Variants in TNFAIP8 observed in about 807,000 individuals in gnomAD.
TNFAIP8 encodes TNF alpha induced protein 8.
In TNFAIP8, 7 loss-of-function variants were observed where a neutral mutation model predicts 13.3. The ratio of observed to expected loss-of-function variants is 0.52; its 90% CI spans 0.30 to 0.99. The LOEUF (loss-of-function observed/expected upper bound fraction) is 0.99, where lower values mean the gene tolerates loss of function less well. Ranked by LOEUF, TNFAIP8 falls within the 50% of genes least tolerant of loss-of-function variation. The probability of loss-of-function intolerance (pLI) is 0.07; values close to 1 mark genes in which losing one functional copy is unlikely to be tolerated. For synonymous variants in TNFAIP8, 94 were observed against 87.6 expected (o/e 1.07, Z -0.41); for missense variants, 258 against 236.9 (o/e 1.09, Z -0.58).
upstream of TNFAIP8, chr5:119,355,414 C>T (rs750581254): frequency 2.7e-5 from 19 of 700,676 alleles, 1 homozygote; most frequent in South Asian, 2.8e-4. Context: ...GGCCGCTCCA[C>T]TTTCTTCAAA....
intron 1 of TNFAIP8, among the ~76,000 whole-genome samples, chr5:119,359,748 C>T (rs761111135): frequency 3.2e-4 from 48 of 152,160 alleles, no homozygotes; most frequent in Non-Finnish European, 1.0e-4. Flanking sequence ...CCTGCCCTTC[C>T]CCAGCCTTTG....
chr5:119,339,832 A>G (rs1398939856), intron 1 of TNFAIP8, among the ~76,000 whole-genome samples: 2 of 152,240 alleles, frequency 1.3e-5, no homozygotes, highest in Non-Finnish European at 2.9e-5. Context: ...TCTGCAAAGA[A>G]TGGCCTTACA....
chr5:119,306,354 T>A (rs1236893965), intron 1 of TNFAIP8: 2 of 149,514 alleles, frequency 1.3e-5, no homozygotes, highest in African/African-American at 5.0e-5. Flanking sequence ...AGATGGGGTG[T>A]CTCTATGTTT....
At chr5:119,316,523 G>C (rs1167037281) in intron 1 of TNFAIP8, among the ~76,000 whole-genome samples, 2 of 152,132 alleles carry the variant, frequency 1.3e-5, no homozygotes, top group East Asian at 1.9e-4. Flanking sequence ...GAAGACCCTA[G>C]TGTGGAGAGA....
intron 1 of TNFAIP8, among the ~76,000 whole-genome samples, chr5:119,329,874 T>G (rs1350034974): frequency 6.6e-6 from 1 of 151,826 alleles, no homozygotes; most frequent in Non-Finnish European, 1.5e-5. Context: ...CAAGGCCTCC[T>G]TTATGTGAGA....
chr5:119,279,467 T>C (rs538326586), intron 1 of TNFAIP8, among the ~76,000 whole-genome samples: 2 of 152,238 alleles, frequency 1.3e-5, no homozygotes, highest in East Asian at 3.9e-4. Context: ...CCTCATGGAG[T>C]GTGAGATGTG....
chr5:119,269,229 C>T (rs1413187849), intron 1 of TNFAIP8, among the ~76,000 whole-genome samples: 1 of 152,176 alleles, frequency 6.6e-6, no homozygotes, highest in Non-Finnish European at 1.5e-5. Flanking sequence ...TTCCTTCCCT[C>T]CCTTTGTAAC....
intron 1 of TNFAIP8, among the ~76,000 whole-genome samples, chr5:119,299,849 A>C (rs1434217149): frequency 6.6e-6 from 1 of 152,156 alleles, no homozygotes; most frequent in Non-Finnish European, 1.5e-5. Flanking sequence ...GCTGCCTTGC[A>C]GTTTGATCTC....
chr5:119,349,641 C>G (rs149106451), intron 1 of TNFAIP8, among the ~76,000 whole-genome samples: 3 of 152,264 alleles, frequency 2.0e-5, no homozygotes, highest in African/African-American at 7.2e-5. Flanking sequence ...AATTAAGGTC[C>G]TTACTGAACT....
intron 1 of TNFAIP8, among the ~76,000 whole-genome samples, chr5:119,338,524 C>T (rs952349228): frequency 1.3e-5 from 2 of 152,202 alleles, no homozygotes; most frequent in African/African-American, 4.8e-5. Context: ...AGGAGGCTTT[C>T]GGGCTACCCT....
At chr5:119,312,293 A>G (rs1226886022) in intron 1 of TNFAIP8, among the ~76,000 whole-genome samples, 1 of 152,190 alleles carries the variant, frequency 6.6e-6, no homozygotes, top group Non-Finnish European at 1.5e-5. Context: ...TAACTTGGCA[A>G]TTTGCTTAAC....
At position 119,344,617 on chromosome 5, in the gene TNFAIP8, A is replaced by G. The variant is rs7707178; in HGVS notation, c.2-48199A>G. Among the ~76,000 whole-genome samples the G allele has an allele frequency of 4.3e-3, 656 of 152,252 alleles. 8 individuals are homozygous for G. Among genetic ancestry groups the G allele is most frequent in the African/African-American group, 0.014 (600 of 41,544 alleles). On this transcript the variant is annotated intron_variant, in intron 1 of 1. Transcript: ENST00000274456. ...ATTTCTAGCCTCAGTGAGCATTTGA[A>G]TTTTCAACCCACTGTCTTGTTTAAG...
chr5:119,288,590 A>G (rs944889507), intron 1 of TNFAIP8, among the ~76,000 whole-genome samples: 3 of 152,246 alleles, frequency 2.0e-5, no homozygotes, highest in Non-Finnish European at 4.4e-5. Context: ...TGTTGGGAAC[A>G]GCTGGAAGGC....
intron 1 of TNFAIP8, among the ~76,000 whole-genome samples, chr5:119,382,815 G>A (rs184669816): frequency 2.6e-5 from 4 of 152,278 alleles, no homozygotes; most frequent in African/African-American, 9.6e-5. Flanking sequence ...TTACCTGACT[G>A]CCTGTCTTGT....
chr5:119,310,403 C>A (rs1749693244), intron 1 of TNFAIP8, among the ~76,000 whole-genome samples: 1 of 152,152 alleles, frequency 6.6e-6, no homozygotes, highest in South Asian at 2.1e-4. Flanking sequence ...AGGCCAAAGG[C>A]TGTAGGCCAA....
At chr5:119,268,856 A>C (rs1748169658) in exon 1 of TNFAIP8, 3 of 701,160 alleles carry the variant, frequency 4.3e-6, no homozygotes, top group Non-Finnish European at 5.2e-6. Context: ...GGCGCCGCCA[A>C]ACAGCCCAGC....
intron 1 of TNFAIP8, among the ~76,000 whole-genome samples, chr5:119,293,249 T>C (rs915172347): frequency 3.3e-5 from 5 of 152,180 alleles, no homozygotes; most frequent in Admixed American, 3.3e-4. Flanking sequence ...TTTTCAAATG[T>C]ACAATAGATT....
intron 1 of TNFAIP8, among the ~76,000 whole-genome samples, chr5:119,382,264 C>T (rs1752515817): frequency 6.6e-6 from 1 of 152,144 alleles, no homozygotes; most frequent in Non-Finnish European, 1.5e-5. Flanking sequence ...TCTTTGCTAC[C>T]ATTGCATTTT....
rs35633858 is a variant in TNFAIP8 at position 119,350,952 on chromosome 5, T to TTGTGTGTGTGTGTGTGTGTG, written c.2-41856_2-41837dup. On this transcript the variant is annotated intron_variant, in intron 1 of 1. Transcript: ENST00000274456. ...TACAATTTTTTAACTCTATGTGTATTTGTGTGTGTGTGTGTGTGTGTGTGT... is the reference window on the plus strand; with the variant it reads ...TACAATTTTTTAACTCTATGTGTATTTGTGTGTGTGTGTGTGTGTGTGTGTGTGTGTGTGTGTGTGTGTGT... Among the ~76,000 whole-genome samples, 126 of 144,792 alleles carry TTGTGTGTGTGTGTGTGTGTG rather than the reference T, an allele frequency of 8.7e-4. 2 individuals carry two copies. In the East Asian group the frequency reaches 0.018, roughly 20 times the overall value. 95.0% of individuals were successfully genotyped at this position (144,792 alleles called of 152,430 possible).
Sources: gnomAD v4.1 joint callset for allele counts (sites outside exome capture counted in the v4.1 genomes callset) on GRCh38, gnomAD v4.1.1 for gene constraint, MANE v1.5 for transcripts, NCBI Gene and HGNC (gene_info 2026-07-23, HGNC 2026-07-21) for gene names.